The following GALNT17 variants were observed in gnomAD, a reference collection of about 807,000 sequenced individuals.
The protein encoded by GALNT17 is UDP-GalNAc:polypeptide N-acetylgalactosaminyltransferase-like 3.
Under a neutral mutation model 63.7 loss-of-function variants are expected in GALNT17, and 29 were observed. That is an observed-to-expected ratio of 0.46 (90% CI 0.34 to 0.62). GALNT17 has a LOEUF of 0.62. GALNT17 is among the 20% of genes least tolerant of loss of function. The probability of loss-of-function intolerance (pLI) is 0.01; values close to 1 mark genes in which losing one functional copy is unlikely to be tolerated. For synonymous variants in GALNT17, 305 were observed against 318.3 expected, an observed-to-expected ratio of 0.96 and a Z score of 0.45; for missense variants, 603 against 799.6, an observed-to-expected ratio of 0.75 and a Z score of 2.97.
intron 3 of GALNT17, among the ~76,000 whole-genome samples, chr7:71,397,437 C>T (rs186064780): frequency 2.0e-5 from 3 of 152,112 alleles, no homozygotes; most frequent in East Asian, 3.9e-4. Flanking sequence ...TTGAGAGATA[C>T]GAGATATGAT....
Position 71,623,338 on chromosome 7 carries a change from GCCT to G in GALNT17, c.1081-42072_1081-42070del, listed in dbSNP as rs1368339047. Among the ~76,000 whole-genome samples the G allele has an allele frequency of 4.0e-5, 6 of 150,986 alleles. No individual in the cohort carries two copies. The Admixed American group carries it at 4.0e-4, about 10-fold the overall frequency. On this transcript the variant is annotated intron_variant, in intron 6 of 10. Transcript: ENST00000333538. ...AATACATGCAAATGACTAAAACAGT[GCCT>G]GGCTTGGAGGAAGCCTTCGTACGTG...
chr7:71,193,632 C>T (rs1788993876), intron 1 of GALNT17, among the ~76,000 whole-genome samples: 1 of 151,960 alleles, frequency 6.6e-6, no homozygotes, highest in Non-Finnish European at 1.5e-5. Context: ...ACCCGGCCAA[C>T]TCCTTCCTGC....
chr7:71,498,010 T>A (rs1584004223), intron 5 of GALNT17, among the ~76,000 whole-genome samples: 2 of 152,258 alleles, frequency 1.3e-5, no homozygotes. Flanking sequence ...TGTATGCACA[T>A]GCGTGTGGGA....
chr7:71,704,942 C>T (rs1295456203), intron 9 of GALNT17, among the ~76,000 whole-genome samples: 1 of 152,080 alleles, frequency 6.6e-6, no homozygotes, highest in Non-Finnish European at 1.5e-5. Context: ...TCTTCATGGC[C>T]TTGGATTTTG....
At position 71,145,948 on chromosome 7, in the gene GALNT17, C is replaced by T. The variant is rs528056442; in HGVS notation, c.238+12908C>T. Among the ~76,000 whole-genome samples, 159 of 152,222 alleles carry T rather than the reference C, an allele frequency of 1.0e-3. 1 individual carries two copies. The Middle Eastern group carries it at 0.017, about 16-fold the overall frequency. ...CTCAAACTCCTGACCTCAAGTGCTC[C>T]GTCAGTCTTGGCCTCCCAAAGTGCT... On this transcript the variant is annotated intron_variant, in intron 1 of 10. Coordinates refer to ENST00000333538, the MANE Select transcript of GALNT17 (RefSeq NM_022479.3).
chr7:71,364,102 T>C (rs909230741), intron 2 of GALNT17, among the ~76,000 whole-genome samples: 8 of 152,176 alleles, frequency 5.3e-5, no homozygotes, highest in Admixed American at 1.3e-4. Context: ...GGTGCACCCA[T>C]CACCCGAGCA....
At chr7:71,505,159 C>T (rs562191570) in intron 5 of GALNT17, among the ~76,000 whole-genome samples, 8 of 152,270 alleles carry the variant, frequency 5.3e-5, no homozygotes, top group South Asian at 2.1e-4. Context: ...TGAACAGTTT[C>T]GCTTCTCTTC....
chr7:71,319,246 G>A (rs542970840), intron 1 of GALNT17, among the ~76,000 whole-genome samples: 2 of 151,872 alleles, frequency 1.3e-5, no homozygotes, highest in African/African-American at 4.8e-5. Flanking sequence ...GCTGCCTTCT[G>A]TTCTTTGCCT....
At chr7:71,669,560 CTTTT>C (rs563584462) in intron 7 of GALNT17, among the ~76,000 whole-genome samples, 25 of 125,010 alleles carry the variant, frequency 2.0e-4, no homozygotes, top group African/African-American at 5.2e-4. Context: ...GGCTTAAGAT[CTTTT>C]TTTTTTTTTT....
chr7:71,708,803 C>T (rs1438131994), intron 9 of GALNT17, among the ~76,000 whole-genome samples: 1 of 152,118 alleles, frequency 6.6e-6, no homozygotes, highest in Non-Finnish European at 1.5e-5. Flanking sequence ...CAAGTGAGAA[C>T]ATACAGTGTT....
chr7:71,621,544 T>TGGAC (rs1219584683), intron 6 of GALNT17, among the ~76,000 whole-genome samples: 2 of 135,046 alleles, frequency 1.5e-5, no homozygotes, highest in Non-Finnish European at 3.3e-5. Flanking sequence ...GATTGATGGA[T>TGGAC]TGATGGATAG....
At chr7:71,543,295 T>C (rs1788924808) in intron 5 of GALNT17, among the ~76,000 whole-genome samples, 1 of 152,190 alleles carries the variant, frequency 6.6e-6, no homozygotes, top group African/African-American at 2.4e-5. Flanking sequence ...CCCAATGTGC[T>C]AGAAGCCAAT....
chr7:71,682,498 G>A (rs1791282711), intron 9 of GALNT17, among the ~76,000 whole-genome samples: 4 of 152,162 alleles, frequency 2.6e-5, no homozygotes, highest in Non-Finnish European at 5.9e-5. Context: ...CAGCAGGAAT[G>A]CCTGGATGGC....
intron 6 of GALNT17, among the ~76,000 whole-genome samples, chr7:71,631,946 C>T (rs898039033): frequency 6.6e-6 from 1 of 151,952 alleles, no homozygotes; most frequent in African/African-American, 2.4e-5. Context: ...AGGGGTCTTG[C>T]TCTGTTGCCC....
intron 1 of GALNT17, among the ~76,000 whole-genome samples, chr7:71,294,485 G>A (rs1336059459): frequency 6.9e-6 from 1 of 144,106 alleles, no homozygotes; most frequent in African/African-American, 2.7e-5. Flanking sequence ...TGTGGTCTTG[G>A]CTCACTGCAA....
chr7:71,667,233 T>C (rs1790998397), intron 7 of GALNT17, among the ~76,000 whole-genome samples: 1 of 152,232 alleles, frequency 6.6e-6, no homozygotes, highest in Non-Finnish European at 1.5e-5. Context: ...GTGCCAGATA[T>C]GTGGGTCAAG....
At chr7:71,179,324 T>C (rs2707420) in intron 1 of GALNT17, among the ~76,000 whole-genome samples, 40,089 of 152,162 alleles carry the variant, frequency 0.26, 9,826 homozygotes, top group African/African-American at 0.66. Flanking sequence ...CTTTCCGGAC[T>C]GAACCAATGT....
intron 2 of GALNT17, among the ~76,000 whole-genome samples, chr7:71,339,457 C>T (rs974910999): frequency 4.6e-5 from 7 of 152,218 alleles, no homozygotes; most frequent in African/African-American, 7.2e-5. Flanking sequence ...GAGGCTAAGG[C>T]GGGCGGATCA....
At chr7:71,270,575 T>C (rs1790569177) in intron 1 of GALNT17, among the ~76,000 whole-genome samples, 1 of 145,208 alleles carries the variant, frequency 6.9e-6, no homozygotes, top group African/African-American at 2.5e-5. Flanking sequence ...ACGAATTTTC[T>C]AAACATATAT....
Sources: allele counts gnomAD v4.1 joint callset (sites outside exome capture counted in the v4.1 genomes callset), GRCh38; gene constraint gnomAD v4.1.1; transcripts MANE v1.5; gene names NCBI Gene and HGNC (gene_info 2026-07-23, HGNC 2026-07-21).